PKP1: variants seen among roughly 807,000 people sequenced by gnomAD.
PKP1 encodes plakophilin 1, also known as plakophilin-1.
PKP1 carries 27 observed loss-of-function variants against 76.4 expected under a neutral mutation model. That is an observed-to-expected ratio of 0.35 (90% CI 0.26 to 0.49). The LOEUF (loss-of-function observed/expected upper bound fraction) is 0.49. Ranked by LOEUF, PKP1 falls within the 20% of genes least tolerant of loss-of-function variation. PKP1 has a pLI of 0.99. For synonymous variants in PKP1, 404 were observed against 384.2 expected (o/e 1.05, Z -0.60); for missense variants, 964 against 955.2 (o/e 1.01, Z -0.12).
At chr1:201,305,445 A>G (rs1028278817) in intron 2 of PKP1, among the ~76,000 whole-genome samples, 4 of 152,170 alleles carry the variant, frequency 2.6e-5, no homozygotes, top group Non-Finnish European at 5.9e-5. Context: ...TCAGCCCAGG[A>G]GGTCAAGGCT....
chr1:201,321,765 C>CA (rs745749505), intron 7 of PKP1, among the ~76,000 whole-genome samples: 8 of 152,158 alleles, frequency 5.3e-5, no homozygotes, highest in Non-Finnish European at 1.2e-4. Context: ...TGAGGCCAGT[C>CA]AAGTTCATGC....
chr1:201,328,953 C>T (rs1339136430), intron 13 of PKP1, 85 bp downstream of exon 13: 4 of 859,146 alleles, frequency 4.7e-6, no homozygotes, highest in Middle Eastern at 2.2e-4. Context: ...TAGGCCTGTG[C>T]TCCCAGGGAC....
intron 1 of PKP1, among the ~76,000 whole-genome samples, chr1:201,286,787 G>A (rs1160422958): frequency 6.6e-6 from 1 of 152,152 alleles, no homozygotes; most frequent in African/African-American, 2.4e-5. Context: ...TTCCCAGACT[G>A]TGTGGAAGGC....
chr1:201,310,299 G>T (rs760892821), intron 2 of PKP1, among the ~76,000 whole-genome samples: 1 of 152,212 alleles, frequency 6.6e-6, no homozygotes, highest in Non-Finnish European at 1.5e-5. Flanking sequence ...CTCTATGTTG[G>T]CTACAATTAT....
chr1:201,284,801 C>A (rs1463300945), intron 1 of PKP1, among the ~76,000 whole-genome samples: 1 of 152,138 alleles, frequency 6.6e-6, no homozygotes, highest in South Asian at 2.1e-4. Context: ...CCCAGGGAGA[C>A]CTCCAGCTGA....
intron 2 of PKP1, among the ~76,000 whole-genome samples, chr1:201,305,425 A>C (rs1263841644): frequency 6.6e-6 from 1 of 152,164 alleles, no homozygotes; most frequent in Non-Finnish European, 1.5e-5. Context: ...GCTGAGGTGG[A>C]AGGATTGTTT....
chr1:201,292,898 G>C (rs529358893), intron 1 of PKP1, among the ~76,000 whole-genome samples: 1 of 152,222 alleles, frequency 6.6e-6, no homozygotes, highest in Admixed American at 6.5e-5. Context: ...GGAATGGGAC[G>C]CAGGGCAGAA....
intron 8 of PKP1, 123 bp from the exon 9 acceptor site, chr1:201,322,890 C>A: frequency 1.0e-6 from 1 of 998,998 alleles, no homozygotes; most frequent in South Asian, 1.5e-5. Context: ...TCTGCAGGCG[C>A]TTCCTCAGCT....
rs779899110 is a variant in PKP1 at position 201,313,506 on chromosome 1, C to T, written c.647C>T (p.Pro216Leu). ...CASKQDPVYI[P>L]PISCNKDLSF... ...TCCAAGCAGGACCCTGTGTATATCCCGCCCATCTCCTGCAACAAGGACCTG... is the reference window on the plus strand; with the variant it reads ...TCCAAGCAGGACCCTGTGTATATCCTGCCCATCTCCTGCAACAAGGACCTG... Residue 216 changes from proline to leucine, a missense_variant, in exon 3 of 14, where the codon CCG (proline) becomes CTG (leucine). Pro to Leu is a moderately conservative substitution (Grantham distance 98). Coordinates refer to ENST00000367324, the MANE Select transcript of PKP1 (RefSeq NM_001005337.3). 1.7e-5 allele frequency: 28 copies of T among 1,613,882 alleles called. No individual in the cohort carries two copies. The highest frequency in any genetic ancestry group is 4.0e-5 in the African/African-American group (3 of 74,904).
intron 10 of PKP1, 134 bp downstream of exon 10, chr1:201,324,715 G>T: frequency 8.2e-7 from 1 of 1,213,166 alleles, no homozygotes; most frequent in Non-Finnish European, 1.2e-6. Flanking sequence ...CCAAAGACAG[G>T]TATGGAGACA....
At chr1:201,325,890 G>GGA in intron 12 of PKP1, 52 bp downstream of exon 12, 2 of 1,401,192 alleles carry the variant, frequency 1.4e-6, no homozygotes, top group Non-Finnish European at 2.0e-6. Context: ...CTCATGAGCA[G>GGA]AGGGCCTGGC....
Position 201,283,756 on chromosome 1 carries a change from G to T in PKP1, c.54G>T (p.Gln18His), listed in dbSNP as rs1242339724. The T allele has an allele frequency of 6.2e-7, 1 of 1,614,166 alleles. No individual in the cohort carries two copies. Among genetic ancestry groups the T allele is most frequent in the East Asian group, 2.2e-5 (1 of 44,882 alleles). ...TGGCGTACGAATGCTTCCAGGACCA[G>T]GACAACTCCACGTTGGCTTTGCCGT... ...TALAYECFQD[Q>H]DNSTLALPSD... Residue 18 changes from glutamine to histidine, a missense_variant, in exon 1 of 14, where the codon CAG becomes CAT. By Grantham distance (24) the Gln-to-His change is conservative. Coordinates refer to ENST00000367324, the MANE Select transcript of PKP1 (RefSeq NM_001005337.3).
chr1:201,325,934 C>T (rs549497704), intron 12 of PKP1, 96 bp downstream of exon 12: 46 of 855,862 alleles, frequency 5.4e-5, no homozygotes, highest in South Asian at 3.2e-4. Context: ...ACTAGAGAAA[C>T]GCCCCTGCCC....
In PKP1 at chr1:201,332,495, T is replaced by C. The variant is rs1657357722; in HGVS notation, c.*2454T>C. On this transcript the variant is annotated 3_prime_UTR_variant, in exon 14 of 14. Transcript: ENST00000367324. The stretch of plus-strand genomic sequence containing the variant: ...AGAACAAGGAGCTTGCCAGGCTTCA[T>C]GTAGCCGACACACGTCTCAGGATTT... The C allele has an allele frequency of 6.6e-6, 1 of 152,298 alleles. No homozygotes were observed. Among genetic ancestry groups the C allele is most frequent in the Non-Finnish European group, 1.5e-5 (1 of 68,076 alleles). The allele number at this position is 152,298 out of a possible 1,614,324, so 9.4% of individuals were successfully genotyped here.
chr1:201,298,255 G>C (rs1248341277), intron 2 of PKP1, among the ~76,000 whole-genome samples: 1 of 152,214 alleles, frequency 6.6e-6, no homozygotes, highest in African/African-American at 2.4e-5. Context: ...GCGGGGAATA[G>C]AGAGCTGGAG....
intron 1 of PKP1, among the ~76,000 whole-genome samples, chr1:201,288,472 G>C (rs902262321): frequency 1.3e-5 from 2 of 152,186 alleles, no homozygotes; most frequent in African/African-American, 4.8e-5. Context: ...CTGACTTAGT[G>C]AGTATGAAAG....
At chr1:201,328,654 G>C in intron 12 of PKP1, 108 bp from the exon 13 acceptor site, 3 of 908,894 alleles carry the variant, frequency 3.3e-6, no homozygotes, top group Non-Finnish European at 5.6e-6. Context: ...TGATAAGAGA[G>C]AGGCTGTGTG....
intron 4 of PKP1, 120 bp downstream of exon 4, chr1:201,316,817 C>G (rs1656766332): frequency 1.9e-6 from 2 of 1,070,678 alleles, no homozygotes; most frequent in African/African-American, 1.6e-5. Context: ...CCTTGCCCAG[C>G]TGCCAGGAGC....
At chr1:201,290,325 G>A (rs1253842586) in intron 1 of PKP1, among the ~76,000 whole-genome samples, 1 of 152,160 alleles carries the variant, frequency 6.6e-6, no homozygotes, top group Non-Finnish European at 1.5e-5. Flanking sequence ...GATGCTTCCT[G>A]AGGATGGCAC....
Sources: gnomAD v4.1 joint callset for allele counts (sites outside exome capture counted in the v4.1 genomes callset) on GRCh38, gnomAD v4.1.1 for gene constraint, MANE v1.5 for transcripts, NCBI Gene and HGNC (gene_info 2026-07-23, HGNC 2026-07-21) for gene names.